YAP1: variants seen among roughly 807,000 people sequenced by gnomAD.
YAP1 encodes Yes1 associated transcriptional regulator, also known as transcriptional coactivator YAP1.
In YAP1, 5 loss-of-function variants were observed where a neutral mutation model predicts 56.9. That is an observed-to-expected ratio of 0.09 (90% confidence interval 0.05 to 0.18). The LOEUF is 0.18. Ranked by LOEUF, YAP1 falls within the 10% of genes least tolerant of loss-of-function variation. The pLI is 1.00. For synonymous variants in YAP1, 265 were observed against 248.1 expected, an observed-to-expected ratio of 1.07 and a Z score of -0.64; for missense variants, 539 against 651.8, an observed-to-expected ratio of 0.83 and a Z score of 1.88.
At chr11:102,213,728 G>T (rs2135645285) in intron 6 of YAP1, among the ~76,000 whole-genome samples, 1 of 152,272 alleles carries the variant, frequency 6.6e-6, no homozygotes, top group Non-Finnish European at 1.5e-5. Flanking sequence ...TACCAGTAAA[G>T]ATTCTTCATT....
chr11:102,114,550 A>T (rs1482805981), intron 2 of YAP1, among the ~76,000 whole-genome samples, 156 bp downstream of exon 2: 1 of 152,162 alleles, frequency 6.6e-6, no homozygotes, highest in East Asian at 1.9e-4. Context: ...TATATGTTTC[A>T]GTTTGGTATG....
At chr11:102,196,186 C>T (rs763566118) in intron 4 of YAP1, among the ~76,000 whole-genome samples, 1 of 152,156 alleles carries the variant, frequency 6.6e-6, no homozygotes, top group South Asian at 2.1e-4. Flanking sequence ...TTCCATTCCT[C>T]GGTATAGAGG....
intron 6 of YAP1, among the ~76,000 whole-genome samples, chr11:102,221,253 G>A (rs1949913224): frequency 1.3e-5 from 2 of 152,196 alleles, no homozygotes; most frequent in Non-Finnish European, 2.9e-5. Context: ...TTACCTTGCA[G>A]GGAAGACAGG....
intron 4 of YAP1, among the ~76,000 whole-genome samples, chr11:102,190,205 T>A (rs1295182243): frequency 1.3e-5 from 2 of 152,244 alleles, no homozygotes; most frequent in Admixed American, 6.5e-5. Flanking sequence ...GAGGCTTTTT[T>A]TCCCCTTATC....
At chr11:102,209,256 T>C (rs1949275025) in intron 5 of YAP1, among the ~76,000 whole-genome samples, 1 of 152,208 alleles carries the variant, frequency 6.6e-6, no homozygotes, top group African/African-American at 2.4e-5. Flanking sequence ...AGAACCTACG[T>C]GACCAATATC....
chr11:102,172,141 T>TGAGATTGTGTCACTGTACCCC (rs1946935707), intron 3 of YAP1, among the ~76,000 whole-genome samples: 1 of 149,742 alleles, frequency 6.7e-6, no homozygotes, highest in South Asian at 2.1e-4. Flanking sequence ...TGCAGTGAGC[T>TGAGATTGTGTCACTGTACCCC]GAGATTGTGT....
At chr11:102,178,098 G>A (rs531213387) in intron 3 of YAP1, among the ~76,000 whole-genome samples, 31 of 152,238 alleles carry the variant, frequency 2.0e-4, no homozygotes, top group Non-Finnish European at 7.4e-5. Flanking sequence ...TACCTCCATC[G>A]TAGGGTTGTT....
chr11:102,136,590 T>C (rs1176045178), intron 2 of YAP1, among the ~76,000 whole-genome samples: 2 of 152,158 alleles, frequency 1.3e-5, no homozygotes, highest in Non-Finnish European at 2.9e-5. Context: ...TGGGCTAAAG[T>C]GATCCACCTG....
At chr11:102,213,514 A>C (rs920561240) in intron 6 of YAP1, among the ~76,000 whole-genome samples, 1 of 152,134 alleles carries the variant, frequency 6.6e-6, no homozygotes, top group Non-Finnish European at 1.5e-5. Flanking sequence ...TTGGTTCTTA[A>C]TATCTGGGGT....
chr11:102,231,764 A>G lies in YAP1; in HGVS notation c.*1824A>G, dbSNP rs1950441236. ...AATAAGCCCTTATTTTCAAGGGTTC[A>G]TAACAGGCATAAAATCTCTTCTCCT... On this transcript the variant is annotated 3_prime_UTR_variant, in exon 9 of 9. Transcript: ENST00000282441. 6.6e-6 allele frequency: 1 copy of G among 152,646 alleles called. No individual in the cohort carries two copies. Among genetic ancestry groups the G allele is most frequent in the Non-Finnish European group, 1.5e-5 (1 of 68,032 alleles). The allele number at this position is 152,646 out of a possible 1,614,324, so 9.5% of individuals were successfully genotyped here.
At chr11:102,140,863 T>G (rs764909639) in intron 2 of YAP1, among the ~76,000 whole-genome samples, 5 of 152,044 alleles carry the variant, frequency 3.3e-5, no homozygotes, top group Non-Finnish European at 7.4e-5. Flanking sequence ...AAAGACATCT[T>G]AATCCCTACG....
At chr11:102,213,176 C>T (rs1264906740) in intron 6 of YAP1, among the ~76,000 whole-genome samples, 1 of 152,128 alleles carries the variant, frequency 6.6e-6, no homozygotes, top group Non-Finnish European at 1.5e-5. Context: ...CTTCTACCTT[C>T]TCTTGTGCTT....
At chr11:102,228,707 CAG>C (rs1044095844) in intron 8 of YAP1, among the ~76,000 whole-genome samples, 4 of 148,386 alleles carry the variant, frequency 2.7e-5, no homozygotes, top group Non-Finnish European at 4.5e-5. Context: ...ACCTGCCTCA[CAG>C]GGGTAATTAC....
At chr11:102,165,759 C>G (rs1946567963) in intron 3 of YAP1, among the ~76,000 whole-genome samples, 1 of 152,142 alleles carries the variant, frequency 6.6e-6, no homozygotes, top group South Asian at 2.1e-4. Flanking sequence ...TGTATGTTAA[C>G]CAGGGATAGG....
chr11:102,217,567 G>A lies in YAP1; in HGVS notation c.1033-6055G>A, dbSNP rs531515466. Among the ~76,000 whole-genome samples, 6 of 152,300 alleles carry A rather than the reference G, an allele frequency of 3.9e-5. No individual in the cohort carries two copies. The South Asian group carries it at 1.2e-3, about 32-fold the overall frequency. ...CACACTAAGTGAAAAAGTACATGCTGTATGATTTTATTTTAGAAAATTCTA... is the reference window on the plus strand; with the variant it reads ...CACACTAAGTGAAAAAGTACATGCTATATGATTTTATTTTAGAAAATTCTA... On this transcript the variant is annotated intron_variant, in intron 6 of 8. Transcript: ENST00000282441.
rs921812761 is a variant in YAP1, at chr11:102,110,843, G to C, written c.-6G>C. Reference sequence around the variant, plus strand: ...CAGGGGGTGCGCGTCGGGGGAGGCAGAAGCCATGGATCCCGGGCAGCAGCC... The same window carrying C: ...CAGGGGGTGCGCGTCGGGGGAGGCACAAGCCATGGATCCCGGGCAGCAGCC... On this transcript the variant is annotated 5_prime_UTR_variant, in exon 1 of 9. Transcript: ENST00000282441. 1 of 1,401,570 alleles carries C rather than the reference G, an allele frequency of 7.1e-7. No homozygotes were observed. Among genetic ancestry groups the C allele is most frequent in the South Asian group, 1.5e-5 (1 of 67,810 alleles). 86.8% of individuals were successfully genotyped at this position (1,401,570 alleles called of 1,614,324 possible). A position where few individuals can be genotyped will look rare whatever the true frequency, so the allele number is the denominator to read the frequency against.
intron 2 of YAP1, among the ~76,000 whole-genome samples, chr11:102,146,959 TAAC>T (rs1362176743): frequency 1.3e-5 from 2 of 152,222 alleles, no homozygotes; most frequent in East Asian, 1.9e-4. Flanking sequence ...CTATCAATAA[TAAC>T]AATAATGATT....
intron 2 of YAP1, among the ~76,000 whole-genome samples, chr11:102,143,177 A>AGGTT (rs1945116173): frequency 6.6e-6 from 1 of 152,182 alleles, no homozygotes; most frequent in African/African-American, 2.4e-5. Context: ...GTTTTGGCAT[A>AGGTT]GGTTAAGAGA....
chr11:102,125,441 A>G (rs1341610248), intron 2 of YAP1, among the ~76,000 whole-genome samples: 9 of 146,726 alleles, frequency 6.1e-5, no homozygotes, highest in Non-Finnish European at 8.9e-5. Flanking sequence ...CGGTGGCACA[A>G]TTTTGGCTCA....
Sources: gnomAD v4.1 joint callset for allele counts (sites outside exome capture counted in the v4.1 genomes callset) on GRCh38, gnomAD v4.1.1 for gene constraint, MANE v1.5 for transcripts, NCBI Gene and HGNC (gene_info 2026-07-23, HGNC 2026-07-21) for gene names.